The following PLEKHG1 variants were observed in gnomAD, a reference collection of about 807,000 sequenced individuals.
The protein encoded by PLEKHG1 is pleckstrin homology and RhoGEF domain containing G1.
PLEKHG1 carries 44 observed loss-of-function variants against 100.8 expected under a neutral mutation model. That is an observed-to-expected ratio of 0.44 (90% CI 0.34 to 0.56). The LOEUF (loss-of-function observed/expected upper bound fraction) is 0.56. PLEKHG1 is among the 20% of genes least tolerant of loss of function. The pLI is 0.01. For missense variants in PLEKHG1, 1,545 were observed against 1,720.9 expected (o/e 0.90, Z 1.81); for synonymous variants, 640 against 662.5 (o/e 0.97, Z 0.52).
chr6:150,832,023 A>C (rs1300510231), exon 15 of PLEKHG1: 1 of 1,614,082 alleles, frequency 6.2e-7, no homozygotes, highest in Non-Finnish European at 8.5e-7. Flanking sequence ...GCCACAGATA[A>C]GACAAAAAGC....
intron 15 of PLEKHG1, among the ~76,000 whole-genome samples, chr6:150,838,869 T>C (rs1050784690): frequency 2.4e-4 from 36 of 152,290 alleles, no homozygotes; most frequent in Middle Eastern, 3.4e-3. Flanking sequence ...AGTGCTCTGC[T>C]TCTTGGGGAT....
chr6:150,728,668 C>T (rs906061727), intron 1 of PLEKHG1, among the ~76,000 whole-genome samples: 21 of 151,814 alleles, frequency 1.4e-4, no homozygotes, highest in Middle Eastern at 3.4e-3. Flanking sequence ...GAGGCCAAGG[C>T]GGGTAGATCA....
chr6:150,643,925 T>C (rs1778375366), intron 2 of PLEKHG1, among the ~76,000 whole-genome samples: 1 of 151,788 alleles, frequency 6.6e-6, no homozygotes, highest in Admixed American at 6.6e-5. Context: ...AAAGAAGAAA[T>C]GGCCGTTTGC....
intron 10 of PLEKHG1, among the ~76,000 whole-genome samples, chr6:150,810,535 A>AAAGAAAGAAAGAAAGAAAGAAAGAAAGG (rs1562540297): frequency 7.8e-6 from 1 of 127,422 alleles, no homozygotes; most frequent in Non-Finnish European, 1.8e-5. Context: ...AGAAAGAAAG[A>AAAGAAAGAAAGAAAGAAAGAAAGAAAGG]AAGGAAGAAA....
chr6:150,617,959 G>A (rs954191719), intron 1 of PLEKHG1, among the ~76,000 whole-genome samples: 2 of 152,200 alleles, frequency 1.3e-5, no homozygotes, highest in African/African-American at 4.8e-5. Flanking sequence ...TACTGGAATG[G>A]AGGTGGGAGA....
At chr6:150,759,656 A>G (rs1171507096) in intron 2 of PLEKHG1, among the ~76,000 whole-genome samples, 1 of 152,128 alleles carries the variant, frequency 6.6e-6, no homozygotes, top group East Asian at 1.9e-4. Flanking sequence ...AGATGAAATG[A>G]GAGAATGCAT....
chr6:150,611,126 T>C (rs1159570007), intron 1 of PLEKHG1, among the ~76,000 whole-genome samples: 7 of 152,344 alleles, frequency 4.6e-5, no homozygotes, highest in East Asian at 1.9e-4. Context: ...TGGCACACCA[T>C]TGACCTTTAA....
At chr6:150,802,664 ATT>A (rs71554484) in intron 6 of PLEKHG1, among the ~76,000 whole-genome samples, 37 of 143,438 alleles carry the variant, frequency 2.6e-4, no homozygotes, top group Non-Finnish European at 4.1e-4. Flanking sequence ...CATTCACATC[ATT>A]TTTTTTTTTT....
At chr6:150,718,758 G>T (rs1341619661), upstream of PLEKHG1, among the ~76,000 whole-genome samples, 1 of 152,054 alleles carries the variant, frequency 6.6e-6, no homozygotes, top group Admixed American at 6.5e-5. Flanking sequence ...GTAAGCCACC[G>T]CGCCTGGCCT....
At chr6:150,816,713 C>T (rs377372337) in intron 10 of PLEKHG1, among the ~76,000 whole-genome samples, 1 of 152,180 alleles carries the variant, frequency 6.6e-6, no homozygotes, top group East Asian at 1.9e-4. Context: ...CCAGATGCAG[C>T]TTAATTGCTC....
intron 1 of PLEKHG1, among the ~76,000 whole-genome samples, chr6:150,623,989 G>A (rs539780359): frequency 2.0e-5 from 3 of 152,296 alleles, no homozygotes; most frequent in East Asian, 1.9e-4. Context: ...CAGTAATAAC[G>A]CCTTATCAGA....
chr6:150,791,259 T>A (rs1166682799), intron 4 of PLEKHG1, among the ~76,000 whole-genome samples: 1 of 152,182 alleles, frequency 6.6e-6, no homozygotes, highest in Non-Finnish European at 1.5e-5. Context: ...TGAGGATCAC[T>A]GGTATAACAT....
chr6:150,614,339 T>C (rs752103202), intron 1 of PLEKHG1, among the ~76,000 whole-genome samples: 15 of 152,096 alleles, frequency 9.9e-5, no homozygotes, highest in Non-Finnish European at 2.2e-4. Context: ...ACTCACAGAG[T>C]TGGATGGACT....
chr6:150,636,292 T>TA (rs60407695), intron 1 of PLEKHG1, among the ~76,000 whole-genome samples: 58 of 150,284 alleles, frequency 3.9e-4, no homozygotes, highest in Admixed American at 4.6e-4. Flanking sequence ...TGACTTTTTT[T>TA]AAAAAAAAAA....
Position 150,821,946 on chromosome 6 carries a change from A to T in PLEKHG1, c.1447+713A>T, listed in dbSNP as rs192132599. 3.2e-3 allele frequency among the ~76,000 whole-genome samples: 474 copies of T among 150,440 alleles called. 12 individuals are homozygous for T. The East Asian group carries it at 0.068, about 22-fold the overall frequency. ...AACCTCTGCCTCCCAGGTTCAAGTG[A>T]TTCTCCTGCCTCAGCCTCCCGAGTA... On this transcript the variant is annotated intron_variant, in intron 13 of 15. Transcript: ENST00000358517.
intron 2 of PLEKHG1, among the ~76,000 whole-genome samples, chr6:150,761,590 G>A (rs970623702): frequency 6.6e-6 from 1 of 152,116 alleles, no homozygotes; most frequent in Non-Finnish European, 1.5e-5. Context: ...CACCACACCT[G>A]GCCTAAGACA....
intron 3 of PLEKHG1, among the ~76,000 whole-genome samples, chr6:150,712,792 G>A (rs1781286599): frequency 6.6e-6 from 1 of 152,148 alleles, no homozygotes. Flanking sequence ...AGTCCGACTG[G>A]GCTTATTCTC....
chr6:150,779,022 C>T (rs1245910057), intron 3 of PLEKHG1, among the ~76,000 whole-genome samples: 1 of 152,176 alleles, frequency 6.6e-6, no homozygotes, highest in East Asian at 1.9e-4. Flanking sequence ...GAGTGCAGGA[C>T]TGGGATTCAG....
At chr6:150,812,149 A>T (rs574045146) in intron 10 of PLEKHG1, among the ~76,000 whole-genome samples, 1 of 152,012 alleles carries the variant, frequency 6.6e-6, no homozygotes, top group Non-Finnish European at 1.5e-5. Flanking sequence ...GAGAGAGAGG[A>T]GCCCTCTGCT....
Sources: gnomAD v4.1 joint callset for allele counts (sites outside exome capture counted in the v4.1 genomes callset) on GRCh38, gnomAD v4.1.1 for gene constraint, MANE v1.5 for transcripts, NCBI Gene and HGNC (gene_info 2026-07-23, HGNC 2026-07-21) for gene names.